Variants in CHSY3 observed in about 807,000 individuals in gnomAD.
CHSY3 encodes N-acetylgalactosaminyl-proteoglycan 3-beta-glucuronosyltransferase 3.
In CHSY3, 35 loss-of-function variants were observed where a neutral mutation model predicts 67.2. The observed-to-expected ratio is 0.52, with a 90% CI of 0.40 to 0.69. The LOEUF (loss-of-function observed/expected upper bound fraction) is 0.69. Ranked by LOEUF, CHSY3 falls within the 30% of genes least tolerant of loss-of-function variation. The pLI, the probability that CHSY3 is intolerant of heterozygous loss-of-function variation, is 0.00. For missense variants in CHSY3, 1,069 were observed against 1,138.5 expected (o/e 0.94, Z 0.88); for synonymous variants, 474 against 434.7 (o/e 1.09, Z -1.12).
intron 2 of CHSY3, among the ~76,000 whole-genome samples, chr5:130,010,444 G>A (rs1420758683): frequency 1.3e-5 from 2 of 152,136 alleles, no homozygotes; most frequent in Non-Finnish European, 2.9e-5. Flanking sequence ...TGCAAACAGG[G>A]ATACAATACA....
At chr5:129,995,686 A>G (rs1246575869) in intron 2 of CHSY3, among the ~76,000 whole-genome samples, 1 of 151,680 alleles carries the variant, frequency 6.6e-6, no homozygotes, top group Non-Finnish European at 1.5e-5. Context: ...AATTCTAGTC[A>G]TTAGTTCTGA....
At chr5:130,139,454 A>G (rs1016061056) in intron 2 of CHSY3, among the ~76,000 whole-genome samples, 1 of 152,236 alleles carries the variant, frequency 6.6e-6, no homozygotes, top group African/African-American at 2.4e-5. Context: ...AGTATGTATG[A>G]TAACTTTACA....
At chr5:129,915,699 G>A (rs1022846136) in intron 2 of CHSY3, among the ~76,000 whole-genome samples, 1 of 151,974 alleles carries the variant, frequency 6.6e-6, no homozygotes, top group African/African-American at 2.4e-5. Flanking sequence ...CTCAAAAAGT[G>A]GTGGTTTAAA....
chr5:130,053,444 G>A (rs899446956), intron 2 of CHSY3, among the ~76,000 whole-genome samples: 3 of 152,142 alleles, frequency 2.0e-5, no homozygotes, highest in Non-Finnish European at 2.9e-5. Flanking sequence ...GGAATCTATA[G>A]AGTAGAAATG....
In CHSY3 at chr5:130,012,225, G is replaced by A. The variant is rs149504846; in HGVS notation, c.1086+103865G>A. 6.0e-3 allele frequency among the ~76,000 whole-genome samples: 906 copies of A among 152,268 alleles called. 12 individuals carry two copies. Among genetic ancestry groups the A allele is most frequent in the African/African-American group, 0.02 (817 of 41,560 alleles). ...CAAATGCTGCCGTAAGCAAAACAGCGTGGTACTGATACAAAAATAGACACA... is the reference window on the plus strand; with the variant it reads ...CAAATGCTGCCGTAAGCAAAACAGCATGGTACTGATACAAAAATAGACACA... On this transcript the variant is annotated intron_variant, in intron 2 of 2. Transcript: ENST00000305031.
intron 2 of CHSY3, among the ~76,000 whole-genome samples, chr5:129,928,114 G>C (rs1335170366): frequency 1.3e-5 from 2 of 151,968 alleles, no homozygotes; most frequent in Admixed American, 1.3e-4. Flanking sequence ...GTGTGTCATG[G>C]GGGTTTGTTA....
intron 2 of CHSY3, among the ~76,000 whole-genome samples, chr5:129,981,814 G>A (rs1332062967): frequency 6.6e-6 from 1 of 152,172 alleles, no homozygotes; most frequent in Non-Finnish European, 1.5e-5. Flanking sequence ...TCATCACTAT[G>A]TATAATGCTA....
intron 2 of CHSY3, among the ~76,000 whole-genome samples, chr5:130,133,964 TAAC>T (rs1443583876): frequency 6.6e-6 from 1 of 152,164 alleles, no homozygotes; most frequent in African/African-American, 2.4e-5. Context: ...CAGATTATTC[TAAC>T]AACAGTTATT....
chr5:129,905,844 G>C, intron 1 of CHSY3: 1 of 1,061,914 alleles, frequency 9.4e-7, no homozygotes, highest in East Asian at 2.8e-5. Flanking sequence ...CCTCACACCT[G>C]CCTGGCTTTA....
rs1481915995 is a variant in CHSY3 at position 129,905,534 on chromosome 5, C to T, written c.705C>T (p.Pro235=). The T allele has an allele frequency of 1.9e-6, 3 of 1,613,492 alleles. No individual in the cohort carries two copies. The highest frequency in any genetic ancestry group is 2.5e-6 in the Non-Finnish European group (3 of 1,180,032). Residue 235 remains proline, a synonymous_variant, in exon 1 of 3, where the codon CCC becomes CCT. Transcript: ENST00000305031. ...ALPGVDDSYP[P]QKKSFMMIKY... ...CGGGTGTGGACGACTCCTATCCTCC[C>T]CAGAAAAAGTCCTTCATGATGATCA...
chr5:129,955,516 A>G (rs1762145998), intron 2 of CHSY3, among the ~76,000 whole-genome samples: 1 of 149,638 alleles, frequency 6.7e-6, no homozygotes, highest in African/African-American at 2.5e-5. Flanking sequence ...ATCTTAAGAT[A>G]TATGTATTTA....
At chr5:130,038,470 C>T (rs907104643) in intron 2 of CHSY3, among the ~76,000 whole-genome samples, 7 of 151,988 alleles carry the variant, frequency 4.6e-5, no homozygotes, top group African/African-American at 1.7e-4. Context: ...ACATGTGATC[C>T]ATGTGATCAT....
chr5:129,989,620 C>G (rs1242563724), intron 2 of CHSY3, among the ~76,000 whole-genome samples: 1 of 152,070 alleles, frequency 6.6e-6, no homozygotes, highest in Non-Finnish European at 1.5e-5. Context: ...ATAGCAGTTC[C>G]TTTCTGCTAA....
At chr5:130,114,152 G>A (rs1309275939) in intron 2 of CHSY3, among the ~76,000 whole-genome samples, 2 of 152,052 alleles carry the variant, frequency 1.3e-5, no homozygotes, top group Admixed American at 6.6e-5. Context: ...TGATTATTGA[G>A]CCTTGTTTTT....
At chr5:129,913,425 T>C (rs1399099211) in intron 2 of CHSY3, among the ~76,000 whole-genome samples, 1 of 152,216 alleles carries the variant, frequency 6.6e-6, no homozygotes, top group Non-Finnish European at 1.5e-5. Context: ...ATTTGGCCAT[T>C]AAAATTGTAT....
At chr5:130,018,977 G>C (rs776972290) in intron 2 of CHSY3, among the ~76,000 whole-genome samples, 1 of 152,012 alleles carries the variant, frequency 6.6e-6, no homozygotes, top group South Asian at 2.1e-4. Context: ...CATCTCTGCC[G>C]TGTTTTGATG....
At chr5:130,083,971 A>AT (rs991483364) in intron 2 of CHSY3, among the ~76,000 whole-genome samples, 1 of 151,526 alleles carries the variant, frequency 6.6e-6, no homozygotes, top group Non-Finnish European at 1.5e-5. Context: ...AGAAATATGC[A>AT]TTTTTTTCAA....
At chr5:130,063,982 T>G (rs1765798949) in intron 2 of CHSY3, among the ~76,000 whole-genome samples, 1 of 152,092 alleles carries the variant, frequency 6.6e-6, no homozygotes, top group African/African-American at 2.4e-5. Flanking sequence ...AAGATTATAC[T>G]GATGAGGGTG....
At chr5:130,045,652 C>A (rs577763048) in intron 2 of CHSY3, among the ~76,000 whole-genome samples, 3 of 152,010 alleles carry the variant, frequency 2.0e-5, no homozygotes, top group Non-Finnish European at 4.4e-5. Flanking sequence ...TATGGGAGTA[C>A]GTGGGGATGC....
Sources: allele counts gnomAD v4.1 joint callset (sites outside exome capture counted in the v4.1 genomes callset), GRCh38; gene constraint gnomAD v4.1.1; transcripts MANE v1.5; gene names NCBI Gene and HGNC (gene_info 2026-07-23, HGNC 2026-07-21).